AFG1L: variants seen among roughly 807,000 people sequenced by gnomAD.
AFG1L encodes AFG1-like ATPase.
In AFG1L, 53 loss-of-function variants were observed where a neutral mutation model predicts 62.2. The ratio of observed to expected loss-of-function variants is 0.85; its 90% confidence interval spans 0.68 to 1.07. The LOEUF (loss-of-function observed/expected upper bound fraction) is 1.07, where lower values mean the gene tolerates loss of function less well. Among genes scored for constraint, AFG1L ranks in the 50% least tolerant of loss-of-function variants. The pLI is 0.00. For missense variants in AFG1L, 555 were observed against 590.5 expected, an observed-to-expected ratio of 0.94 and a Z score of 0.62; for synonymous variants, 228 against 210.3, an observed-to-expected ratio of 1.08 and a Z score of -0.73.
At chr6:108,447,963 A>G (rs1337526354) in intron 8 of AFG1L, among the ~76,000 whole-genome samples, 1 of 152,218 alleles carries the variant, frequency 6.6e-6, no homozygotes, top group African/African-American at 2.4e-5. Context: ...GCAAATTCTC[A>G]GTAAATAGAT....
At chr6:108,518,755 T>C (rs1340513144) in intron 11 of AFG1L, among the ~76,000 whole-genome samples, 4 of 152,242 alleles carry the variant, frequency 2.6e-5, no homozygotes, top group African/African-American at 9.6e-5. Context: ...AATACTTATG[T>C]AATCAAGAGA....
At chr6:108,306,179 C>T (rs992810764) in intron 1 of AFG1L, among the ~76,000 whole-genome samples, 2 of 152,184 alleles carry the variant, frequency 1.3e-5, no homozygotes, top group African/African-American at 4.8e-5. Flanking sequence ...GCTAGGATTA[C>T]AGATGTGAGC....
chr6:108,382,081 A>G (rs1322167621), intron 6 of AFG1L, among the ~76,000 whole-genome samples: 1 of 149,358 alleles, frequency 6.7e-6, no homozygotes, highest in Non-Finnish European at 1.5e-5. Flanking sequence ...GCTCACTGCA[A>G]CCTCTGCCTG....
chr6:108,375,886 G>C (rs747870024), intron 6 of AFG1L, among the ~76,000 whole-genome samples: 1 of 152,128 alleles, frequency 6.6e-6, no homozygotes, highest in African/African-American at 2.4e-5. Context: ...AGTAGAATTG[G>C]TACCGGCTCT....
At chr6:108,378,418 C>T (rs1405125917) in intron 6 of AFG1L, among the ~76,000 whole-genome samples, 1 of 152,122 alleles carries the variant, frequency 6.6e-6, no homozygotes, top group Non-Finnish European at 1.5e-5. Context: ...CTCCCAGGTT[C>T]AAGTGATTCT....
chr6:108,464,006 T>C (rs565084335), intron 8 of AFG1L, among the ~76,000 whole-genome samples: 12 of 152,156 alleles, frequency 7.9e-5, no homozygotes, highest in Non-Finnish European at 1.8e-4. Context: ...CAAAGAACTC[T>C]AAGAGGAAGG....
At chr6:108,511,230 A>C (rs542630702) in intron 11 of AFG1L, among the ~76,000 whole-genome samples, 44 of 152,104 alleles carry the variant, frequency 2.9e-4, no homozygotes, top group African/African-American at 1.1e-3. Context: ...CAAATGAGTG[A>C]ATGACTAGAG....
chr6:108,490,054 T>C (rs1409366115), intron 10 of AFG1L, among the ~76,000 whole-genome samples: 1 of 152,144 alleles, frequency 6.6e-6, no homozygotes, highest in Non-Finnish European at 1.5e-5. Context: ...ACTGAAGACT[T>C]TTAAAACATA....
At chr6:108,392,761 T>C (rs1781112333) in intron 6 of AFG1L, among the ~76,000 whole-genome samples, 1 of 152,116 alleles carries the variant, frequency 6.6e-6, no homozygotes, top group South Asian at 2.1e-4. Flanking sequence ...ATAAATCAAA[T>C]TGGTTCCATG....
intron 7 of AFG1L, among the ~76,000 whole-genome samples, chr6:108,426,742 A>C (rs1562154061): frequency 6.6e-6 from 1 of 152,170 alleles, no homozygotes. Flanking sequence ...AGTTAAATGA[A>C]TGCATGATAG....
chr6:108,480,724 G>T (rs963992842), intron 10 of AFG1L, among the ~76,000 whole-genome samples: 1 of 152,158 alleles, frequency 6.6e-6, no homozygotes, highest in East Asian at 1.9e-4. Context: ...TTTGAACCCA[G>T]GAGGTGGAGG....
At chr6:108,315,853 G>T (rs573180084) in intron 1 of AFG1L, among the ~76,000 whole-genome samples, 1 of 152,250 alleles carries the variant, frequency 6.6e-6, no homozygotes, top group East Asian at 1.9e-4. Context: ...TTTAAGACCA[G>T]CCTGGGCAAC....
At chr6:108,413,618 C>T (rs1428912661) in intron 7 of AFG1L, among the ~76,000 whole-genome samples, 1 of 152,166 alleles carries the variant, frequency 6.6e-6, no homozygotes, top group South Asian at 2.1e-4. Flanking sequence ...GAAACTCACT[C>T]AAAACCACTC....
At chr6:108,420,253 C>T (rs984721537) in intron 7 of AFG1L, among the ~76,000 whole-genome samples, 1 of 151,812 alleles carries the variant, frequency 6.6e-6, no homozygotes, top group African/African-American at 2.4e-5. Context: ...GCAGACAACT[C>T]CTGAATTGGA....
At chr6:108,395,838 T>C (rs1392827355) in intron 6 of AFG1L, among the ~76,000 whole-genome samples, 4 of 141,848 alleles carry the variant, frequency 2.8e-5, no homozygotes, top group Admixed American at 1.4e-4. Context: ...GGGAGAGAGA[T>C]AGAGAGAGAG....
At chr6:108,513,554 C>T (rs750698100) in intron 11 of AFG1L, among the ~76,000 whole-genome samples, 1 of 152,130 alleles carries the variant, frequency 6.6e-6, no homozygotes, top group East Asian at 1.9e-4. Flanking sequence ...AAGGCGGCAG[C>T]GAGGATGGTG....
In AFG1L at chr6:108,456,465, G is replaced by T. The variant is rs535341526; in HGVS notation, c.890+9169G>T. ...TGGCTGGGTTTAAATATACTATCTT[G>T]CTACTTGTTTTTTTTGTATTTTTTA... On this transcript the variant is annotated intron_variant, in intron 8 of 12. Transcript: ENST00000368977. Among the ~76,000 whole-genome samples the T allele has an allele frequency of 9.9e-5, 15 of 151,910 alleles. No homozygotes were observed. The East Asian group carries it at 2.9e-3, about 29-fold the overall frequency.
intron 6 of AFG1L, among the ~76,000 whole-genome samples, chr6:108,382,247 G>A (rs1042791138): frequency 2.0e-5 from 3 of 152,172 alleles, no homozygotes; most frequent in African/African-American, 4.8e-5. Flanking sequence ...TGATCCACCC[G>A]CCTTGGCTTC....
intron 10 of AFG1L, among the ~76,000 whole-genome samples, chr6:108,484,409 C>G (rs1773443415): frequency 6.6e-6 from 1 of 152,114 alleles, no homozygotes; most frequent in African/African-American, 2.4e-5. Flanking sequence ...TCCATTGTCA[C>G]AAATGAGCCA....
Sources: allele counts gnomAD v4.1 joint callset (sites outside exome capture counted in the v4.1 genomes callset), GRCh38; gene constraint gnomAD v4.1.1; transcripts MANE v1.5; gene names NCBI Gene and HGNC (gene_info 2026-07-23, HGNC 2026-07-21).